The following ATP10B variants were observed in gnomAD, a reference collection of about 807,000 sequenced individuals.
ATP10B encodes phospholipid-transporting ATPase VB.
A neutral mutation model predicts 141.2 loss-of-function variants in ATP10B; 122 were observed. That is an observed-to-expected ratio of 0.86 (90% CI 0.75 to 1.00). The LOEUF is 1.00. Among genes scored for constraint, ATP10B ranks in the 50% least tolerant of loss-of-function variants. The pLI is 0.00. For synonymous variants in ATP10B, 685 were observed against 692.0 expected (o/e 0.99, Z 0.16); for missense variants, 1,876 against 1,825.3 (o/e 1.03, Z -0.51).
At chr5:160,583,639 C>G (rs745334244) in intron 24 of ATP10B, among the ~76,000 whole-genome samples, 1 of 152,206 alleles carries the variant, frequency 6.6e-6, no homozygotes, top group Non-Finnish European at 1.5e-5. Flanking sequence ...GCCACCCCTA[C>G]CCCGAGGTGC....
intron 6 of ATP10B, 116 bp from the exon 7 acceptor site, chr5:160,670,783 A>C (rs1762641266): frequency 1.1e-6 from 1 of 889,218 alleles, no homozygotes; most frequent in South Asian, 1.6e-5. Flanking sequence ...GCCTGTCATG[A>C]GATTGCCTTG....
intron 1 of ATP10B, among the ~76,000 whole-genome samples, chr5:160,832,606 C>G (rs1338651999): frequency 6.6e-6 from 1 of 152,054 alleles, no homozygotes; most frequent in Non-Finnish European, 1.5e-5. Context: ...TACTGTATAA[C>G]CTGTGCTTCT....
At chr5:160,639,904 A>G (rs1759705097) in intron 10 of ATP10B, among the ~76,000 whole-genome samples, 1 of 152,192 alleles carries the variant, frequency 6.6e-6, no homozygotes, top group African/African-American at 2.4e-5. Context: ...ATAATGGGAG[A>G]CAGCAACAGA....
At chr5:160,660,369 G>C (rs999767278) in intron 7 of ATP10B, among the ~76,000 whole-genome samples, 4 of 152,170 alleles carry the variant, frequency 2.6e-5, no homozygotes, top group Admixed American at 6.5e-5. Context: ...CCACTGGCTA[G>C]AGATGGGGCA....
intron 25 of ATP10B, among the ~76,000 whole-genome samples, chr5:160,568,461 T>C (rs922606817): frequency 5.9e-5 from 9 of 152,232 alleles, no homozygotes; most frequent in South Asian, 2.1e-4. Flanking sequence ...ATTGTCTATT[T>C]GCTATCGCTT....
intron 2 of ATP10B, among the ~76,000 whole-genome samples, chr5:160,760,153 G>A (rs1176147355): frequency 6.6e-6 from 1 of 152,190 alleles, no homozygotes; most frequent in African/African-American, 2.4e-5. Flanking sequence ...AAATTAGGCT[G>A]TCTGAGCACC....
Position 160,785,753 on chromosome 5 carries a change from T to C in ATP10B, c.-525A>G. Reference sequence around the variant, plus strand: ...CTACTTACTCTTCACACTGTTGCTTTCATTGAAACAAATGTCACCAGTCGG... The same window carrying C: ...CTACTTACTCTTCACACTGTTGCTTCCATTGAAACAAATGTCACCAGTCGG... On this transcript the variant is annotated 5_prime_UTR_variant, in exon 2 of 26. Coordinates refer to ENST00000327245, the MANE Select transcript of ATP10B (RefSeq NM_025153.3). The C allele has an allele frequency of 3.5e-6, 4 of 1,150,902 alleles. No individual in the cohort carries two copies. The highest frequency in any genetic ancestry group is 4.5e-6 in the Non-Finnish European group (4 of 886,862). 71.3% of individuals were successfully genotyped at this position (1,150,902 alleles called of 1,614,324 possible).
chr5:160,918,344 T>C, the ATP10B span, among the ~76,000 whole-genome samples: 380 of 152,312 alleles, frequency 2.5e-3, 3 homozygotes, highest in African/African-American at 8.5e-3. Context: ...GGGGGCTTGA[T>C]TGAGTCTAGG....
intron 1 of ATP10B, among the ~76,000 whole-genome samples, chr5:160,796,782 C>T (rs1031602886): frequency 6.6e-6 from 1 of 152,144 alleles, no homozygotes; most frequent in Non-Finnish European, 1.5e-5. Flanking sequence ...ACTCCTCACA[C>T]AGGTACCTCC....
intron 24 of ATP10B, among the ~76,000 whole-genome samples, chr5:160,572,718 T>C (rs115784925): frequency 2.0e-5 from 3 of 152,210 alleles, no homozygotes; most frequent in Admixed American, 2.0e-4. Flanking sequence ...AAGAGAGTCA[T>C]AGAGAGGAGA....
At chr5:160,755,834 AAAAAATATATATATATATATATAT>A (rs1318689832) in intron 2 of ATP10B, among the ~76,000 whole-genome samples, 17 of 65,928 alleles carry the variant, frequency 2.6e-4, no homozygotes, top group African/African-American at 1.4e-3. Flanking sequence ...AAAAAAAAAA[AAAAAATATATATATATATATATAT>A]ATATATATAT....
intron 1 of ATP10B, among the ~76,000 whole-genome samples, chr5:160,810,767 G>A (rs1308103720): frequency 6.6e-6 from 1 of 152,146 alleles, no homozygotes; most frequent in East Asian, 1.9e-4. Context: ...CTTATGGATT[G>A]TAATTTTTAT....
chr5:160,770,577 C>T (rs12522384), intron 2 of ATP10B, among the ~76,000 whole-genome samples: 67,264 of 151,976 alleles, frequency 0.44, 15,137 homozygotes, highest in East Asian at 0.56. Flanking sequence ...GAACACTCTT[C>T]TTCATTTAAA....
intron 2 of ATP10B, among the ~76,000 whole-genome samples, chr5:160,752,507 A>T (rs1418570365): frequency 6.6e-6 from 1 of 152,190 alleles, no homozygotes. Context: ...CTGACTTCGA[A>T]TCTAATTCTA....
At chr5:160,819,555 T>A (rs552028374) in intron 1 of ATP10B, among the ~76,000 whole-genome samples, 2 of 152,278 alleles carry the variant, frequency 1.3e-5, no homozygotes, top group East Asian at 3.9e-4. Context: ...AACTGTGGTG[T>A]GTAAACTACT....
At chr5:160,627,533 C>G (rs532804722) in intron 13 of ATP10B, among the ~76,000 whole-genome samples, 18 of 152,132 alleles carry the variant, frequency 1.2e-4, no homozygotes, top group African/African-American at 3.9e-4. Flanking sequence ...AGTGTCTCAA[C>G]TGGTACAACG....
intron 2 of ATP10B, among the ~76,000 whole-genome samples, chr5:160,767,828 A>C (rs1408417813): frequency 1.3e-5 from 2 of 152,036 alleles, no homozygotes; most frequent in Non-Finnish European, 2.9e-5. Context: ...TTTTTCCACT[A>C]TGAGTAGACA....
chr5:160,819,782 C>A (rs575711584), intron 1 of ATP10B, among the ~76,000 whole-genome samples: 1 of 152,074 alleles, frequency 6.6e-6, no homozygotes, highest in East Asian at 1.9e-4. Flanking sequence ...GGTTATAAGA[C>A]AGTATTTGCA....
the ATP10B span, among the ~76,000 whole-genome samples, chr5:160,903,733 CAGA>C: frequency 6.6e-6 from 1 of 152,200 alleles, no homozygotes; most frequent in Non-Finnish European, 1.5e-5. Context: ...TTATCTCACA[CAGA>C]AGATTAGAAC....
Sources: gnomAD v4.1 joint callset for allele counts (sites outside exome capture counted in the v4.1 genomes callset) on GRCh38, gnomAD v4.1.1 for gene constraint, MANE v1.5 for transcripts, NCBI Gene and HGNC (gene_info 2026-07-23, HGNC 2026-07-21) for gene names.